LTBP3: variants seen among roughly 807,000 people sequenced by gnomAD.
LTBP3 encodes the protein latent transforming growth factor beta binding protein 3.
LTBP3 carries 97 observed loss-of-function variants against 159.7 expected under a neutral mutation model. That is an observed-to-expected ratio of 0.61 (90% CI 0.52 to 0.72). The LOEUF is 0.72. Ranked by LOEUF, LTBP3 falls within the 30% of genes least tolerant of loss-of-function variation. The pLI is 0.00. For synonymous variants in LTBP3, 824 were observed against 777.1 expected (o/e 1.06, Z -1.00); for missense variants, 1,584 against 1,864.3 (o/e 0.85, Z 2.77).
rs140563368 is a variant in LTBP3, at chr11:65,542,931, AGGATGGATGGATGGAT to A, written c.2596+158_2596+173del. The A allele has an allele frequency of 1.9e-3, 1,560 of 817,730 alleles. 5 individuals carry two copies. The highest frequency in any genetic ancestry group is 2.6e-3 in the Non-Finnish European group (1,325 of 510,092). 50.7% of individuals were successfully genotyped at this position (817,730 alleles called of 1,614,324 possible). A position where few individuals can be genotyped will look rare whatever the true frequency, so the allele number is the denominator to read the frequency against. On this transcript the variant is annotated intron_variant, in intron 18 of 27. Transcript: ENST00000301873. Reference sequence around the variant, plus strand: ...ATGAATGGAAGGATGGATGGATAGAAGGATGGATGGATGGATGGATGGATGGATGGATGGATGGATG... The same window carrying A: ...ATGAATGGAAGGATGGATGGATAGAAGGATGGATGGATGGATGGATGGATG...
Position 65,557,835 on chromosome 11 carries a change from T to G in LTBP3, c.125A>C (p.Glu42Ala). ...LLLLGLGGRV[E>A]GGPAGERGAG... ...GCCCCGCTCGCCGGCCGGCCCCCCCTCGACCCTGCCGCCCAGGCCCAGCAG... is the reference window on the plus strand; with the variant it reads ...GCCCCGCTCGCCGGCCGGCCCCCCCGCGACCCTGCCGCCCAGGCCCAGCAG... Residue 42 changes from glutamate (E) to alanine (A), a missense_variant, in exon 1 of 28, where the codon GAG becomes GCG. Physicochemically the swap from Glu to Ala is moderately radical, Grantham distance 107 (BLOSUM62 -1). Coordinates refer to ENST00000301873, the MANE Select transcript of LTBP3 (RefSeq NM_001130144.3). 7.1e-7 allele frequency: 1 copy of G among 1,401,296 alleles called. No individual in the cohort carries two copies. The highest frequency in any genetic ancestry group is 9.3e-7 in the Non-Finnish European group (1 of 1,073,000). The allele number at this position is 1,401,296 out of a possible 1,614,324, so 86.8% of individuals were successfully genotyped here. A position where few individuals can be genotyped will look rare whatever the true frequency, so the allele number is the denominator to read the frequency against.
Position 65,553,604 on chromosome 11 carries a change from C to A in LTBP3, c.865-74G>T. 1 of 1,510,458 alleles carries A rather than the reference C, an allele frequency of 6.6e-7. No homozygotes were observed. The highest frequency in any genetic ancestry group is 1.9e-5 in the Admixed American group (1 of 53,448). 93.6% of individuals were successfully genotyped at this position (1,510,458 alleles called of 1,614,324 possible). ...CCGCCTGTTAGGGTTGGGCCTTTTC[C>A]TCTTCCCCCGCCCCTCAGTTTTCTG... On this transcript the variant is annotated intron_variant, in intron 3 of 27. Transcript: ENST00000301873. The surrounding 1 kb of genome is among the most constrained non-coding windows in gnomAD (Gnocchi z 6.5).
At position 65,538,885 on chromosome 11, in the gene LTBP3, G is replaced by A. The variant is rs11545201; in HGVS notation, c.*195C>T. On this transcript the variant is annotated 3_prime_UTR_variant, in exon 28 of 28. Coordinates refer to ENST00000301873, the MANE Select transcript of LTBP3 (RefSeq NM_001130144.3). ...TCTGGGAGGAAGGCAGGCAGCGCCC[G>A]CCGGAGACCTTACAACCGCCCGCTA... 0.012 allele frequency: 12,707 copies of A among 1,074,382 alleles called. 1,175 individuals carry two copies. In the African/African-American group the frequency reaches 0.19, roughly 16 times the overall value. The allele number at this position is 1,074,382 out of a possible 1,614,324, so 66.6% of individuals were successfully genotyped here.
Position 65,553,566 on chromosome 11 carries a change from C to T in LTBP3, c.865-36G>A. Reference sequence around the variant, plus strand: ...GAGGGGGAGGTGGGGTCACAGAGCACCCCGCCCCGGTGCCGCCTGTTAGGG... The same window carrying T: ...GAGGGGGAGGTGGGGTCACAGAGCATCCCGCCCCGGTGCCGCCTGTTAGGG... On this transcript the variant is annotated intron_variant, in intron 3 of 27. Transcript: ENST00000301873. This position sits in a 1 kb window ranked among gnomAD's most constrained non-coding sequence, Gnocchi z 6.5. 1.3e-6 allele frequency: 2 copies of T among 1,513,604 alleles called. No homozygotes were observed. Among genetic ancestry groups the T allele is most frequent in the Non-Finnish European group, 1.8e-6 (2 of 1,096,142 alleles). The allele number at this position is 1,513,604 out of a possible 1,614,324, so 93.8% of individuals were successfully genotyped here.
rs1856674404 is a variant in LTBP3 at position 65,553,185 on chromosome 11, G to A, written c.1042C>T (p.Leu348Phe). The A allele has an allele frequency of 9.9e-6, 16 of 1,614,140 alleles. No individual in the cohort carries two copies. Among genetic ancestry groups the A allele is most frequent in the Non-Finnish European group, 1.2e-5 (14 of 1,180,020 alleles). ...GADCPQGYKR[L>F]NSTHCQDINE... ...ATACCCTGGCAGTGGGTGCTGTTAA[G>A]CCTCTTGTAGCCCTGGGGACAGTCA... Residue 348 changes from leucine to phenylalanine, a missense_variant, in exon 5 of 28, where the codon CTT becomes TTT. Coordinates refer to ENST00000301873, the MANE Select transcript of LTBP3 (RefSeq NM_001130144.3). This position sits in a 1 kb window ranked among gnomAD's most constrained non-coding sequence, Gnocchi z 6.5.
Position 65,558,096 on chromosome 11 carries a change from A to C in LTBP3, c.-137T>G. 8.2e-6 allele frequency: 8 copies of C among 969,742 alleles called. No homozygotes were observed. The highest frequency in any genetic ancestry group is 1.0e-5 in the Non-Finnish European group (8 of 794,324). The allele number at this position is 969,742 out of a possible 1,614,324, so 60.1% of individuals were successfully genotyped here. ...GAGGGCAGCGGGGGAAGCGGGCGGG[A>C]GGGGACCGCGGGGGCCCGGCGGGAG... On this transcript the variant is annotated 5_prime_UTR_variant, in exon 1 of 28. Coordinates refer to ENST00000301873, the MANE Select transcript of LTBP3 (RefSeq NM_001130144.3).
chr11:65,540,111 C>A lies in LTBP3; in HGVS notation c.3287G>T (p.Arg1096Leu). 6.6e-7 allele frequency: 1 copy of A among 1,524,914 alleles called. No homozygotes were observed. The highest frequency in any genetic ancestry group is 8.8e-7 in the Non-Finnish European group (1 of 1,139,558). The allele number at this position is 1,524,914 out of a possible 1,614,324, so 94.5% of individuals were successfully genotyped here. Residue 1096 changes from arginine (R) to leucine (L), a missense_variant, in exon 24 of 28, where the codon CGC becomes CTC. Arg to Leu is a moderately radical substitution (Grantham distance 102). Around this residue, in one of 6 missense-constraint regions of LTBP3, gnomAD observed 514 missense variants for 530.3 expected, o/e 0.97. Coordinates refer to ENST00000301873, the MANE Select transcript of LTBP3 (RefSeq NM_001130144.3). ...CQDPAACRPG[R>L]CVNLPGSYRC... ...GTAGGAGCCCGGCAGGTTGACGCAG[C>A]GGCCAGGGCGGCAGGCTGCCGGGTC... is the stretch of plus-strand genomic sequence containing the variant.
At position 65,557,954 on chromosome 11, in the gene LTBP3, G is replaced by T. The variant is rs865779077; in HGVS notation, c.6C>A (p.Pro2=). Residue 2 remains proline (P), a synonymous_variant, in exon 1 of 28, where the codon CCC becomes CCA. Coordinates refer to ENST00000301873, the MANE Select transcript of LTBP3 (RefSeq NM_001130144.3). ...GGCCGCCAGCAGCCCCTCGGGGCCCGGGCATCCGGGGCCGCAGGACCCGGG... is the reference window on the plus strand; with the variant it reads ...GGCCGCCAGCAGCCCCTCGGGGCCCTGGCATCCGGGGCCGCAGGACCCGGG... M[P]GPRGAAGGLA... 17 of 1,162,160 alleles carry T rather than the reference G, an allele frequency of 1.5e-5. No individual in the cohort carries two copies. Among genetic ancestry groups the T allele is most frequent in the Non-Finnish European group, 1.7e-5 (16 of 946,018 alleles). The allele number at this position is 1,162,160 out of a possible 1,614,324, so 72.0% of individuals were successfully genotyped here.
At position 65,538,647 on chromosome 11, in the gene LTBP3, G is replaced by C; in HGVS notation, c.*433C>G. The C allele has an allele frequency of 6.9e-7, 1 of 1,455,722 alleles. No individual in the cohort carries two copies. The highest frequency in any genetic ancestry group is 2.4e-5 in the East Asian group (1 of 41,688). 90.2% of individuals were successfully genotyped at this position (1,455,722 alleles called of 1,614,324 possible). ...TGTACAAACCATGTGAGCCCGGCCG[G>C]CCCAGCCAGGCCATCTCACGTGTAC... On this transcript the variant is annotated 3_prime_UTR_variant, in exon 28 of 28. Transcript: ENST00000301873.
Position 65,543,555 on chromosome 11 carries a change from G to A in LTBP3, c.2354-6C>T, listed in dbSNP as rs1292331931. ...AGCCTCACACTCGTCCACATCTGCAGGGCATAGGGGGTGTCAGAGGACCAG... is the reference window on the plus strand; with the variant it reads ...AGCCTCACACTCGTCCACATCTGCAAGGCATAGGGGGTGTCAGAGGACCAG... On this transcript the variant is annotated splice_polypyrimidine_tract_variant and splice_region_variant and intron_variant, in intron 16 of 27. Transcript: ENST00000301873. The A allele has an allele frequency of 1.2e-6, 2 of 1,613,980 alleles. No homozygotes were observed. Among genetic ancestry groups the A allele is most frequent in the Non-Finnish European group, 1.7e-6 (2 of 1,179,936 alleles).
Position 65,539,445 on chromosome 11 carries a change from C to T in LTBP3, c.3643G>A (p.Glu1215Lys). 1 of 1,561,022 alleles carries T rather than the reference C, an allele frequency of 6.4e-7. No homozygotes were observed. The highest frequency in any genetic ancestry group is 1.2e-5 in the South Asian group (1 of 85,152). ...CAGCGACACTCGTCTGAATCCTCCT[C>T]TGAACTGTCCTCATCTGCGTGGCCC... ...GKPPRDEDSS[E>K]EDSDECRCVS... Residue 1215 changes from glutamate to lysine, a missense_variant, in exon 27 of 28, where the codon GAG (glutamate) becomes AAG (lysine). By Grantham distance (56) the Glu-to-Lys change is moderately conservative (BLOSUM62 1). Transcript: ENST00000301873.
At chr11:65,550,953 C>T (rs1186862022) in intron 11 of LTBP3, among the ~76,000 whole-genome samples, 173 bp downstream of exon 11, 2 of 152,270 alleles carry the variant, frequency 1.3e-5, no homozygotes, top group East Asian at 3.8e-4. Flanking sequence ...ACCATGCTAC[C>T]TGGATCGTTT....
Position 65,552,386 on chromosome 11 carries a change from T to G in LTBP3, c.1207A>C (p.Ser403Arg). 1 of 1,613,638 alleles carries G rather than the reference T, an allele frequency of 6.2e-7. No homozygotes were observed. The highest frequency in any genetic ancestry group is 1.7e-4 in the Middle Eastern group (1 of 6,058). ...QCIADKPEEK[S>R]LCFRLVSPEH... ...GGGCTCACCAGGCGGAAACACAGGCTCTTCTCCTCCGGTTTGTCTGCTGCA... is the reference window on the plus strand; with the variant it reads ...GGGCTCACCAGGCGGAAACACAGGCGCTTCTCCTCCGGTTTGTCTGCTGCA... Residue 403 changes from serine to arginine, a missense_variant, in exon 7 of 28, where the codon AGC becomes CGC. Physicochemically the swap from Ser to Arg is moderately radical, Grantham distance 110. This residue lies in a region of LTBP3 where 156 missense variants were observed against 259.7 expected (regional missense o/e 0.60). Coordinates refer to ENST00000301873, the MANE Select transcript of LTBP3 (RefSeq NM_001130144.3). This position sits in a 1 kb window ranked among gnomAD's most constrained non-coding sequence, Gnocchi z 6.0.
In LTBP3 at chr11:65,547,347, GGAAAA is replaced by G. The variant is rs772975347; in HGVS notation, c.2107+87_2107+91del. ...CGACAGAGTGAGACTCCGTCTCGGG[GGAAAA>G]AAAAAAAAATGCAGGCACCCCAGCC... On this transcript the variant is annotated intron_variant, in intron 14 of 27. Coordinates refer to ENST00000301873, the MANE Select transcript of LTBP3 (RefSeq NM_001130144.3). The surrounding 1 kb of genome is among the most constrained non-coding windows in gnomAD (Gnocchi z 4.6). The G allele has an allele frequency of 2.3e-6, 3 of 1,329,982 alleles. No homozygotes were observed. Among genetic ancestry groups the G allele is most frequent in the Non-Finnish European group, 3.1e-6 (3 of 975,724 alleles). The allele number at this position is 1,329,982 out of a possible 1,614,324, so 82.4% of individuals were successfully genotyped here. A position where few individuals can be genotyped will look rare whatever the true frequency, so the allele number is the denominator to read the frequency against.
chr11:65,551,656 T>C (rs1856618663), intron 8 of LTBP3, 92 bp from the exon 9 acceptor site: 2 of 1,508,474 alleles, frequency 1.3e-6, no homozygotes, highest in African/African-American at 1.4e-5. Context: ...AGTTAGGGTC[T>C]CTGGGAGTTC....
At position 65,539,312 on chromosome 11, in the gene LTBP3, CCGA is replaced by C; in HGVS notation, c.3760+13_3760+15del. On this transcript the variant is annotated intron_variant, in intron 27 of 27. Coordinates refer to ENST00000301873, the MANE Select transcript of LTBP3 (RefSeq NM_001130144.3). ...ACCGGCCCCGCCCCTGCCCCCACCC[CCGA>C]AGCCCGGCTCACCCACGCAGCGGGC... 2 of 1,510,878 alleles carry C rather than the reference CCGA, an allele frequency of 1.3e-6. No homozygotes were observed. The highest frequency in any genetic ancestry group is 1.8e-6 in the Non-Finnish European group (2 of 1,125,980). The allele number at this position is 1,510,878 out of a possible 1,614,324, so 93.6% of individuals were successfully genotyped here.
At position 65,538,906 on chromosome 11, in the gene LTBP3, C is replaced by T; in HGVS notation, c.*174G>A. On this transcript the variant is annotated 3_prime_UTR_variant, in exon 28 of 28. Transcript: ENST00000301873. ...GCCCGCCGGAGACCTTACAACCGCC[C>T]GCTAACCGGGGAGGGGGGCCGGTAG... 8.0e-7 allele frequency: 1 copy of T among 1,246,858 alleles called. No individual in the cohort carries two copies. Among genetic ancestry groups the T allele is most frequent in the Non-Finnish European group, 1.0e-6 (1 of 971,690 alleles). 77.2% of individuals were successfully genotyped at this position (1,246,858 alleles called of 1,614,324 possible).
At position 65,539,376 on chromosome 11, in the gene LTBP3, C is replaced by G; in HGVS notation, c.3712G>C (p.Glu1238Gln). The G allele has an allele frequency of 3.2e-6, 5 of 1,543,008 alleles. No homozygotes were observed. The highest frequency in any genetic ancestry group is 4.4e-6 in the Non-Finnish European group (5 of 1,142,994). ...TCGAGCTGGAAGCCGCCGGGACACT[C>G]GCACACGGCGCCGCCCGGCCGCGGC... ...CVPRPGGAVCECPGGFQLDAS... is the reference protein window; with the variant it reads ...CVPRPGGAVCQCPGGFQLDAS... Residue 1238 changes from glutamate (E) to glutamine (Q), a missense_variant, in exon 27 of 28, where the codon GAG becomes CAG. This residue lies in a region of LTBP3 where 514 missense variants were observed against 530.3 expected (regional missense o/e 0.97). Coordinates refer to ENST00000301873, the MANE Select transcript of LTBP3 (RefSeq NM_001130144.3).
At chr11:65,555,414 T>TCC (rs200572759) in intron 1 of LTBP3, among the ~76,000 whole-genome samples, 23 of 151,230 alleles carry the variant, frequency 1.5e-4, no homozygotes, top group African/African-American at 5.6e-4. Flanking sequence ...GGGCCCCAGG[T>TCC]CCCCCCCCTC....
Sources: gnomAD v4.1 joint callset for allele counts (sites outside exome capture counted in the v4.1 genomes callset) on GRCh38, gnomAD v4.1.1 for gene constraint, gnomAD v4.1.1 regional missense constraint, Gnocchi (gnomAD v3.1) non-coding constraint, MANE v1.5 for transcripts, NCBI Gene and HGNC (gene_info 2026-07-23, HGNC 2026-07-21) for gene names.